SPECC1L: variants seen among roughly 807,000 people sequenced by gnomAD.
SPECC1L encodes the protein cytospin-A.
Under a neutral mutation model 116.8 loss-of-function variants are expected in SPECC1L, and 40 were observed. The ratio of observed to expected loss-of-function variants is 0.34; its 90% confidence interval spans 0.27 to 0.45. The LOEUF (loss-of-function observed/expected upper bound fraction) is 0.45. Among genes scored for constraint, SPECC1L ranks in the 20% least tolerant of loss-of-function variants. The probability of loss-of-function intolerance (pLI) is 1.00; values close to 1 mark genes in which losing one functional copy is unlikely to be tolerated. For missense variants in SPECC1L, 1,110 were observed against 1,373.6 expected, an observed-to-expected ratio of 0.81 and a Z score of 3.03; for synonymous variants, 504 against 500.6, an observed-to-expected ratio of 1.01 and a Z score of -0.09.
At chr22:24,278,205 A>C (rs1243733577) in intron 2 of SPECC1L, among the ~76,000 whole-genome samples, 1 of 152,074 alleles carries the variant, frequency 6.6e-6, no homozygotes, top group Non-Finnish European at 1.5e-5. Flanking sequence ...AAATAATTTA[A>C]AATAAATTAG....
At position 24,288,615 on chromosome 22, in the gene SPECC1L, C is replaced by CTTTTTTT. The variant is rs756714389; in HGVS notation, c.-38+11835_-38+11841dup. On this transcript the variant is annotated intron_variant, in intron 2 of 16. Coordinates refer to ENST00000314328, the MANE Select transcript of SPECC1L (RefSeq NM_015330.6). ...GACTTCTCAAATCCAAAATTTTAAG[C>CTTTTTTT]TTTTTTTTTTTTTTTTTTTTTTTTT... 4.2e-4 allele frequency among the ~76,000 whole-genome samples: 26 copies of CTTTTTTT among 61,678 alleles called. 4 individuals are homozygous for CTTTTTTT. Among genetic ancestry groups the CTTTTTTT allele is most frequent in the African/African-American group, 1.1e-3 (16 of 14,448 alleles). The allele number at this position is 61,678 out of a possible 152,430, so 40.5% of individuals were successfully genotyped here.
intron 12 of SPECC1L, 57 bp downstream of exon 12, chr22:24,363,401 C>T: frequency 7.0e-7 from 1 of 1,429,412 alleles, no homozygotes; most frequent in Non-Finnish European, 9.9e-7. Flanking sequence ...GACAGGATCT[C>T]ACTATGTTGC....
At chr22:24,285,350 G>A (rs1258472172) in intron 2 of SPECC1L, among the ~76,000 whole-genome samples, 1 of 152,224 alleles carries the variant, frequency 6.6e-6, no homozygotes, top group Non-Finnish European at 1.5e-5. Flanking sequence ...ATCGTTTGAT[G>A]TGGTTCTTAT....
intron 4 of SPECC1L, among the ~76,000 whole-genome samples, chr22:24,315,405 T>C (rs1375907361): frequency 6.6e-6 from 1 of 152,278 alleles, no homozygotes; most frequent in Non-Finnish European, 1.5e-5. Context: ...GCCAAGGCCA[T>C]GCATTCATTT....
chr22:24,405,830 C>G (rs1427226364), intron 14 of SPECC1L, among the ~76,000 whole-genome samples: 1 of 129,402 alleles, frequency 7.7e-6, no homozygotes, highest in Non-Finnish European at 1.7e-5. Context: ...CAGAGCGAGA[C>G]TCTGCCTCAA....
intron 1 of SPECC1L, among the ~76,000 whole-genome samples, chr22:24,274,891 G>A (rs1413045682): frequency 6.6e-6 from 1 of 152,110 alleles, no homozygotes. Context: ...ACAGCTCTTG[G>A]CCCCTTGAAA....
At chr22:24,319,079 T>TG (rs1383121782) in intron 4 of SPECC1L, among the ~76,000 whole-genome samples, 1 of 152,216 alleles carries the variant, frequency 6.6e-6, no homozygotes, top group Non-Finnish European at 1.5e-5. Flanking sequence ...TTTACCTCAT[T>TG]GATCTACCTG....
intron 2 of SPECC1L, among the ~76,000 whole-genome samples, chr22:24,280,850 G>A (rs1485181363): frequency 2.0e-5 from 3 of 152,156 alleles, no homozygotes; most frequent in Non-Finnish European, 4.4e-5. Context: ...GCCACCGAAA[G>A]TGTTGGGATT....
intron 2 of SPECC1L, among the ~76,000 whole-genome samples, chr22:24,296,803 G>T (rs1360723568): frequency 1.3e-5 from 2 of 152,280 alleles, no homozygotes; most frequent in African/African-American, 4.8e-5. Flanking sequence ...TAAGGAATTT[G>T]TGGAAGCATT....
chr22:24,327,443 G>C (rs2040853107), intron 6 of SPECC1L, among the ~76,000 whole-genome samples: 1 of 152,052 alleles, frequency 6.6e-6, no homozygotes, highest in African/African-American at 2.4e-5. Context: ...TCATACTTTA[G>C]GGTCCTAATT....
intron 14 of SPECC1L, among the ~76,000 whole-genome samples, chr22:24,400,594 A>G (rs1028040535): frequency 1.3e-5 from 2 of 152,184 alleles, no homozygotes; most frequent in Non-Finnish European, 2.9e-5. Context: ...AAGGAGTGGG[A>G]TTGCTGGGCC....
chr22:24,388,336 G>T (rs1408665462), intron 14 of SPECC1L, among the ~76,000 whole-genome samples: 17 of 138,422 alleles, frequency 1.2e-4, no homozygotes, highest in African/African-American at 3.7e-4. Context: ...TGCAGTGTTT[G>T]TTTTTTTTTT....
At chr22:24,287,341 G>T (rs2049062083) in intron 2 of SPECC1L, among the ~76,000 whole-genome samples, 1 of 152,168 alleles carries the variant, frequency 6.6e-6, no homozygotes. Context: ...GAGTGGCCTG[G>T]TGGGATGTGT....
At chr22:24,318,398 GC>G (rs2040647784) in intron 4 of SPECC1L, among the ~76,000 whole-genome samples, 1 of 152,166 alleles carries the variant, frequency 6.6e-6, no homozygotes, top group Non-Finnish European at 1.5e-5. Context: ...GCGCGCGCCT[GC>G]AATCGCAGGC....
intron 3 of SPECC1L, among the ~76,000 whole-genome samples, chr22:24,310,601 C>G (rs527692251): frequency 8.4e-4 from 127 of 151,284 alleles, no homozygotes; most frequent in Middle Eastern, 3.4e-3. Context: ...ATCATTTTCT[C>G]TGTGTGTGTG....
chr22:24,314,053 C>G lies in SPECC1L; in HGVS notation c.307+587C>G, dbSNP rs56232238. 2.5e-3 allele frequency among the ~76,000 whole-genome samples: 364 copies of G among 148,310 alleles called. 3 individuals are homozygous for G. Among genetic ancestry groups the G allele is most frequent in the Middle Eastern group, 7.7e-3 (2 of 260 alleles). The stretch of plus-strand genomic sequence containing the variant: ...CACCTGGCCAAGGAGAAGGATTTTT[C>G]TTTTTTTTTGAGATGGAGTTTCGCT... On this transcript the variant is annotated intron_variant, in intron 4 of 16. Coordinates refer to ENST00000314328, the MANE Select transcript of SPECC1L (RefSeq NM_015330.6).
At chr22:24,368,767 C>T (rs2041819761) in intron 13 of SPECC1L, among the ~76,000 whole-genome samples, 2 of 152,156 alleles carry the variant, frequency 1.3e-5, no homozygotes, top group African/African-American at 4.8e-5. Context: ...CTGCCTCAGC[C>T]TCCCAAGTAG....
intron 14 of SPECC1L, among the ~76,000 whole-genome samples, chr22:24,407,975 A>G (rs1018631647): frequency 6.6e-6 from 1 of 152,052 alleles, no homozygotes; most frequent in African/African-American, 2.4e-5. Flanking sequence ...GATACACCTC[A>G]CTTTGAATGA....
chr22:24,330,485 T>C, intron 8 of SPECC1L, 54 bp downstream of exon 8: 1 of 1,590,404 alleles, frequency 6.3e-7, no homozygotes, highest in Middle Eastern at 1.7e-4. Context: ...AACACTTAAA[T>C]CCCAATTTTT....
Sources: allele counts gnomAD v4.1 joint callset (sites outside exome capture counted in the v4.1 genomes callset), GRCh38; gene constraint gnomAD v4.1.1; transcripts MANE v1.5; gene names NCBI Gene and HGNC (gene_info 2026-07-23, HGNC 2026-07-21).